MYLK: variants seen among roughly 807,000 people sequenced by gnomAD.
MYLK encodes the protein myosin light chain kinase, smooth muscle.
In MYLK, 106 loss-of-function variants were observed where a neutral mutation model predicts 203.4. The observed-to-expected ratio is 0.52, with a 90% CI of 0.45 to 0.61. The LOEUF is 0.61. Among genes scored for constraint, MYLK ranks in the 20% least tolerant of loss-of-function variants. The probability of loss-of-function intolerance (pLI) is 0.00; values close to 1 mark genes in which losing one functional copy is unlikely to be tolerated. For synonymous variants in MYLK, 867 were observed against 959.5 expected (o/e 0.90, Z 1.78); for missense variants, 2,072 against 2,442.3 (o/e 0.85, Z 3.20).
intron 11 of MYLK, 51 bp from the exon 12 acceptor site, chr3:123,726,129 T>G (rs1322391864): frequency 6.2e-7 from 1 of 1,611,326 alleles, no homozygotes; most frequent in Admixed American, 1.7e-5. Flanking sequence ...CCCACTCTGG[T>G]GATGCCTGCA....
intron 20 of MYLK, among the ~76,000 whole-genome samples, chr3:123,669,663 G>A (rs1326646082): frequency 4.6e-5 from 7 of 152,040 alleles, no homozygotes; most frequent in Admixed American, 2.6e-4. Context: ...ATATATGTGT[G>A]TGTATATATA....
chr3:123,670,905 A>C (rs544269891), intron 20 of MYLK, among the ~76,000 whole-genome samples: 1 of 152,268 alleles, frequency 6.6e-6, no homozygotes, highest in Non-Finnish European at 1.5e-5. Context: ...TCAAATGCTA[A>C]GCTCACGAGC....
chr3:123,863,368 CAA>C (rs35039876), intron 2 of MYLK, among the ~76,000 whole-genome samples: 8 of 29,884 alleles, frequency 2.7e-4, no homozygotes, highest in Admixed American at 5.5e-4. Flanking sequence ...ATAGCCTTGC[CAA>C]AAAAAAAAAA....
intron 16 of MYLK, 37 bp downstream of exon 16, chr3:123,707,717 A>T (rs2061516021): frequency 6.2e-7 from 1 of 1,613,578 alleles, no homozygotes; most frequent in African/African-American, 1.3e-5. Flanking sequence ...ATTTGGAGGG[A>T]AGGGTTAAGG....
chr3:123,782,167 T>C (rs78334239), intron 4 of MYLK, among the ~76,000 whole-genome samples: 182 of 152,310 alleles, frequency 1.2e-3, no homozygotes, highest in African/African-American at 4.4e-3. Flanking sequence ...ATGTGGGAAC[T>C]AGAACCCCAG....
At chr3:123,816,561 G>A (rs140555467) in intron 3 of MYLK, among the ~76,000 whole-genome samples, 1 of 152,340 alleles carries the variant, frequency 6.6e-6, no homozygotes, top group East Asian at 1.9e-4. Context: ...AATTGAAGAT[G>A]TATTTCACTG....
At chr3:123,615,647 T>G (rs1485719528) in intron 33 of MYLK, among the ~76,000 whole-genome samples, 4 of 80,142 alleles carry the variant, frequency 5.0e-5, no homozygotes, top group African/African-American at 2.1e-4. Context: ...AAATACAATT[T>G]TCTATCTTTT....
intron 32 of MYLK, among the ~76,000 whole-genome samples, chr3:123,619,299 T>G (rs1415854246): frequency 1.3e-5 from 2 of 152,284 alleles, no homozygotes; most frequent in East Asian, 3.9e-4. Context: ...GGAAAAGCTG[T>G]AACTTGGAGG....
At chr3:123,673,871 G>A (rs1240486551) in intron 20 of MYLK, among the ~76,000 whole-genome samples, 2 of 152,200 alleles carry the variant, frequency 1.3e-5, no homozygotes, top group Non-Finnish European at 2.9e-5. Context: ...AGGGAGGGCA[G>A]AGCACGCCCT....
chr3:123,684,287 T>TG (rs1183223401), intron 19 of MYLK, among the ~76,000 whole-genome samples: 1 of 152,142 alleles, frequency 6.6e-6, no homozygotes, highest in Non-Finnish European at 1.5e-5. Flanking sequence ...GACTGATATT[T>TG]GGCCAACAGA....
At chr3:123,770,012 C>T (rs974242561) in intron 4 of MYLK, among the ~76,000 whole-genome samples, 22 of 152,052 alleles carry the variant, frequency 1.4e-4, no homozygotes, top group African/African-American at 5.3e-4. Context: ...AATCAATGTT[C>T]TAAAAGAACA....
intron 23 of MYLK, among the ~76,000 whole-genome samples, chr3:123,661,595 C>T (rs1486642103): frequency 1.3e-5 from 2 of 151,976 alleles, no homozygotes; most frequent in African/African-American, 2.4e-5. Flanking sequence ...AAACTTCTAA[C>T]CAAAAGAAAC....
chr3:123,848,447 T>C (rs1405609040), intron 2 of MYLK, among the ~76,000 whole-genome samples: 1 of 152,094 alleles, frequency 6.6e-6, no homozygotes, highest in Non-Finnish European at 1.5e-5. Flanking sequence ...ATTTATAATA[T>C]TCTCCCTTGT....
At position 123,614,021 on chromosome 3, in the gene MYLK, A is replaced by G. The variant is rs1239084184; in HGVS notation, c.*84T>C. 3.5e-6 allele frequency: 5 copies of G among 1,448,226 alleles called. No homozygotes were observed. In the African/African-American group the frequency reaches 4.5e-5, roughly 13 times the overall value. The allele number at this position is 1,448,226 out of a possible 1,614,324, so 89.7% of individuals were successfully genotyped here. ...ATCTATCACACTAGGTGCTTTTACT[A>G]TCTTGAGTTTTTTTTTTTTTTTTGA... On this transcript the variant is annotated 3_prime_UTR_variant, in exon 34 of 34. Coordinates refer to ENST00000360304, the MANE Select transcript of MYLK (RefSeq NM_053025.4).
chr3:123,710,621 C>T (rs2061653583), intron 13 of MYLK, among the ~76,000 whole-genome samples: 1 of 152,206 alleles, frequency 6.6e-6, no homozygotes, highest in African/African-American at 2.4e-5. Flanking sequence ...TTGCATCTCT[C>T]ATACATGGCA....
At chr3:123,766,217 A>T (rs539823426) in intron 4 of MYLK, among the ~76,000 whole-genome samples, 3 of 152,386 alleles carry the variant, frequency 2.0e-5, no homozygotes, top group South Asian at 4.1e-4. Context: ...AAATCAGACC[A>T]AAGCCACTCT....
chr3:123,701,477 G>A lies in MYLK; in HGVS notation c.2423C>T (p.Ser808Leu), dbSNP rs41271439. 6.2e-7 allele frequency: 1 copy of A among 1,613,962 alleles called. No individual in the cohort carries two copies. ...NRVGECSCQV[S>L]LMLQNSSARA... ...GGCAGAGCTGTTCTGTAGCATCAGT[G>A]ACACCTGGCAACTGCATTCGCCAAC... Residue 808 changes from serine to leucine, a missense_variant, in exon 17 of 34, where the codon TCA becomes TTA. This residue lies in a region of MYLK where 865 missense variants were observed against 1,016.0 expected (regional missense o/e 0.85). Transcript: ENST00000360304.
intron 10 of MYLK, 41 bp downstream of exon 10, chr3:123,733,646 C>T: frequency 6.2e-7 from 1 of 1,610,854 alleles, no homozygotes; most frequent in Non-Finnish European, 8.5e-7. Flanking sequence ...CACCAAGGGG[C>T]TACATTTTGG....
chr3:123,620,444 C>T, intron 31 of MYLK, 108 bp from the exon 32 acceptor site: 1 of 1,594,764 alleles, frequency 6.3e-7, no homozygotes, highest in African/African-American at 1.3e-5. Flanking sequence ...CAGCTGTTCC[C>T]TGGAACAAGG....
Sources: allele counts gnomAD v4.1 joint callset (sites outside exome capture counted in the v4.1 genomes callset), GRCh38; gene constraint gnomAD v4.1.1; regional missense constraint gnomAD v4.1.1; transcripts MANE v1.5; gene names NCBI Gene and HGNC (gene_info 2026-07-23, HGNC 2026-07-21).